Variants in CNTNAP2 observed in about 807,000 individuals in gnomAD.
CNTNAP2 encodes contactin associated protein 2.
CNTNAP2 carries 98 observed loss-of-function variants against 155.2 expected under a neutral mutation model. The observed-to-expected ratio is 0.63, with a 90% CI of 0.54 to 0.75. CNTNAP2 has a LOEUF of 0.75. Among genes scored for constraint, CNTNAP2 ranks in the 30% least tolerant of loss-of-function variants. CNTNAP2 has a pLI of 0.00. For synonymous variants in CNTNAP2, 651 were observed against 631.2 expected (o/e 1.03, Z -0.47); for missense variants, 1,727 against 1,688.1 (o/e 1.02, Z -0.40).
At chr7:146,461,001 G>A (rs531135422) in intron 1 of CNTNAP2, among the ~76,000 whole-genome samples, 17 of 152,278 alleles carry the variant, frequency 1.1e-4, no homozygotes, top group African/African-American at 4.1e-4. Context: ...ACAAGTATGG[G>A]AGGTGATGGA....
At chr7:146,634,670 T>G (rs1260719126) in intron 1 of CNTNAP2, among the ~76,000 whole-genome samples, 1 of 152,180 alleles carries the variant, frequency 6.6e-6, no homozygotes. Flanking sequence ...CAACCAGTCA[T>G]GCAGTGTTGA....
chr7:147,223,515 G>A (rs1803452537), intron 8 of CNTNAP2, among the ~76,000 whole-genome samples: 2 of 152,148 alleles, frequency 1.3e-5, no homozygotes, highest in African/African-American at 2.4e-5. Context: ...TTTATACCCT[G>A]AGGCATTGTG....
At chr7:146,533,253 C>G (rs973023601) in intron 1 of CNTNAP2, among the ~76,000 whole-genome samples, 1 of 151,702 alleles carries the variant, frequency 6.6e-6, no homozygotes, top group Non-Finnish European at 1.5e-5. Context: ...TAAAGGTGGT[C>G]TATGCAAGTG....
intron 10 of CNTNAP2, among the ~76,000 whole-genome samples, chr7:147,404,057 GT>G (rs1230685617): frequency 6.6e-6 from 1 of 152,006 alleles, no homozygotes; most frequent in African/African-American, 2.4e-5. Context: ...GAAATATTTT[GT>G]CTTTTACCAT....
At chr7:147,446,123 C>T (rs954497447) in intron 10 of CNTNAP2, among the ~76,000 whole-genome samples, 26 of 139,920 alleles carry the variant, frequency 1.9e-4, no homozygotes, top group Admixed American at 1.2e-3. Flanking sequence ...TTGTTTCTTT[C>T]TTTTTTTTTT....
chr7:147,022,063 A>T (rs1051561029), intron 3 of CNTNAP2, among the ~76,000 whole-genome samples: 2 of 151,988 alleles, frequency 1.3e-5, no homozygotes, highest in African/African-American at 4.8e-5. Flanking sequence ...TGGCCACTTT[A>T]GCTGTCCTGT....
At chr7:146,445,959 G>A (rs887546360) in intron 1 of CNTNAP2, among the ~76,000 whole-genome samples, 6 of 152,114 alleles carry the variant, frequency 3.9e-5, no homozygotes, top group Non-Finnish European at 1.5e-5. Context: ...CTCTCCTTCA[G>A]GTGATGGGAT....
chr7:146,763,182 C>T (rs67350319), intron 1 of CNTNAP2, among the ~76,000 whole-genome samples: 9,999 of 152,228 alleles, frequency 0.066, 465 homozygotes, highest in African/African-American at 0.13. Flanking sequence ...TCCATCCTCA[C>T]TGGCCTCCTA....
chr7:146,558,082 A>G (rs1798223096), intron 1 of CNTNAP2, among the ~76,000 whole-genome samples: 1 of 152,188 alleles, frequency 6.6e-6, no homozygotes, highest in Non-Finnish European at 1.5e-5. Flanking sequence ...CAGACATGAC[A>G]GTTTTCTGTT....
intron 13 of CNTNAP2, among the ~76,000 whole-genome samples, chr7:147,812,011 C>T (rs953049200): frequency 6.6e-6 from 1 of 152,090 alleles, no homozygotes; most frequent in Non-Finnish European, 1.5e-5. Context: ...CAAATAATAG[C>T]AATGTTAGGG....
At chr7:147,226,729 C>T (rs144103153) in intron 8 of CNTNAP2, among the ~76,000 whole-genome samples, 11 of 152,316 alleles carry the variant, frequency 7.2e-5, no homozygotes, top group Admixed American at 3.3e-4. Context: ...TTTCCCAGAA[C>T]TATCCTCTTC....
rs112302118 is a variant in CNTNAP2 at position 147,276,669 on chromosome 7, A to G, written c.1349-23472A>G. 3.0e-3 allele frequency among the ~76,000 whole-genome samples: 462 copies of G among 152,208 alleles called. 5 individuals are homozygous for G. Among genetic ancestry groups the G allele is most frequent in the African/African-American group, 0.01 (430 of 41,556 alleles). On this transcript the variant is annotated intron_variant, in intron 8 of 23. Coordinates refer to ENST00000361727, the MANE Select transcript of CNTNAP2 (RefSeq NM_014141.6). Reference sequence around the variant, plus strand: ...TTCTACTGTAACAGCATAATATTTCATCAAAACATACCTGTGTTTGAGAGC... The same window carrying G: ...TTCTACTGTAACAGCATAATATTTCGTCAAAACATACCTGTGTTTGAGAGC...
intron 13 of CNTNAP2, among the ~76,000 whole-genome samples, chr7:147,897,367 C>T (rs563453182): frequency 3.3e-5 from 5 of 152,132 alleles, no homozygotes; most frequent in Non-Finnish European, 7.4e-5. Context: ...ATGGGCAGGA[C>T]AAAGGAGTCA....
At chr7:146,217,469 G>C (rs1228933921) in intron 1 of CNTNAP2, among the ~76,000 whole-genome samples, 1 of 152,072 alleles carries the variant, frequency 6.6e-6, no homozygotes, top group African/African-American at 2.4e-5. Context: ...CATCACCTAG[G>C]TAATAAACAT....
intron 13 of CNTNAP2, 97 bp downstream of exon 13, chr7:147,639,403 C>A: frequency 8.7e-7 from 1 of 1,149,064 alleles, no homozygotes; most frequent in Non-Finnish European, 1.3e-6. Context: ...ATCTTATAGT[C>A]TAGTCTTCAG....
At chr7:147,378,436 A>C (rs1160032781) in intron 9 of CNTNAP2, among the ~76,000 whole-genome samples, 1 of 152,096 alleles carries the variant, frequency 6.6e-6, no homozygotes, top group Non-Finnish European at 1.5e-5. Flanking sequence ...TAAAAGAATG[A>C]GATCTTGTCA....
chr7:147,157,380 AAGAG>A (rs772946543), intron 8 of CNTNAP2, among the ~76,000 whole-genome samples: 1 of 152,088 alleles, frequency 6.6e-6, no homozygotes, highest in Non-Finnish European at 1.5e-5. Context: ...GGCTACTTAA[AAGAG>A]AGGCAAATAA....
chr7:146,624,990 C>G (rs1203084605), intron 1 of CNTNAP2, among the ~76,000 whole-genome samples: 1 of 151,858 alleles, frequency 6.6e-6, no homozygotes, highest in African/African-American at 2.4e-5. Context: ...AAAATAATCT[C>G]CATCCAACAA....
At chr7:148,017,307 T>G (rs567010312) in intron 15 of CNTNAP2, among the ~76,000 whole-genome samples, 39 of 152,300 alleles carry the variant, frequency 2.6e-4, no homozygotes, top group African/African-American at 9.1e-4. Flanking sequence ...GTTATGAAAC[T>G]TATCACAGTT....
Sources: gnomAD v4.1 joint callset for allele counts (sites outside exome capture counted in the v4.1 genomes callset) on GRCh38, gnomAD v4.1.1 for gene constraint, MANE v1.5 for transcripts, NCBI Gene and HGNC (gene_info 2026-07-23, HGNC 2026-07-21) for gene names.